The following CNTNAP2 variants were observed in gnomAD, a reference collection of about 807,000 sequenced individuals.
The protein encoded by CNTNAP2 is contactin associated protein 2.
CNTNAP2 carries 98 observed loss-of-function variants against 155.2 expected under a neutral mutation model. The observed-to-expected ratio is 0.63, with a 90% CI of 0.54 to 0.75. The LOEUF is 0.75. Among genes scored for constraint, CNTNAP2 ranks in the 30% least tolerant of loss-of-function variants. The pLI is 0.00. For synonymous variants in CNTNAP2, 651 were observed against 631.2 expected (o/e 1.03, Z -0.47); for missense variants, 1,727 against 1,688.1 (o/e 1.02, Z -0.40).
At chr7:147,990,978 C>A (rs745603058) in intron 15 of CNTNAP2, among the ~76,000 whole-genome samples, 12 of 152,098 alleles carry the variant, frequency 7.9e-5, no homozygotes, top group African/African-American at 1.9e-4. Context: ...CCTGGCACAC[C>A]CAGCCCCCAT....
At chr7:147,729,701 T>G (rs1796708073) in intron 13 of CNTNAP2, among the ~76,000 whole-genome samples, 1 of 152,064 alleles carries the variant, frequency 6.6e-6, no homozygotes, top group South Asian at 2.1e-4. Context: ...GAAGATGGAT[T>G]GTAGAAAATC....
chr7:146,793,621 C>A (rs1445252417), intron 2 of CNTNAP2, among the ~76,000 whole-genome samples: 2 of 152,224 alleles, frequency 1.3e-5, no homozygotes, highest in Admixed American at 1.3e-4. Context: ...GGCAAGAATG[C>A]GATAGCTGTT....
At chr7:147,270,613 G>A (rs1804722111) in intron 8 of CNTNAP2, among the ~76,000 whole-genome samples, 1 of 152,146 alleles carries the variant, frequency 6.6e-6, no homozygotes, top group Admixed American at 6.5e-5. Flanking sequence ...TAGACCTAGG[G>A]TAGTAGAATC....
chr7:146,964,755 G>T (rs921019437), intron 3 of CNTNAP2, among the ~76,000 whole-genome samples: 1 of 152,074 alleles, frequency 6.6e-6, no homozygotes, highest in African/African-American at 2.4e-5. Context: ...AGGCTTTATC[G>T]GTCAGCCAAA....
chr7:146,131,000 T>C (rs1480608252), intron 1 of CNTNAP2, among the ~76,000 whole-genome samples: 1 of 152,190 alleles, frequency 6.6e-6, no homozygotes, highest in African/African-American at 2.4e-5. Context: ...AGGGTTACAA[T>C]TCAAGATGAG....
rs559202551 is a variant in CNTNAP2 at position 146,670,171 on chromosome 7, T to C, written c.98-104100T>C. Among the ~76,000 whole-genome samples, 4 of 152,316 alleles carry C rather than the reference T, an allele frequency of 2.6e-5. No homozygotes were observed. The East Asian group carries it at 7.7e-4, about 29-fold the overall frequency. On this transcript the variant is annotated intron_variant, in intron 1 of 23. Transcript: ENST00000361727. ...TACTACTAGGCCAAGTACATTCTTT[T>C]TGTGTAACTAGAAATTTCAGGTCTT...
intron 3 of CNTNAP2, among the ~76,000 whole-genome samples, chr7:146,952,325 C>G (rs1358217004): frequency 6.6e-6 from 1 of 152,150 alleles, no homozygotes; most frequent in Non-Finnish European, 1.5e-5. Flanking sequence ...CAATATCATA[C>G]TGAATGGGCA....
At position 147,016,951 on chromosome 7, in the gene CNTNAP2, G is replaced by T. The variant is rs186422580; in HGVS notation, c.403-26956G>T. Among the ~76,000 whole-genome samples, 188 of 151,726 alleles carry T rather than the reference G, an allele frequency of 1.2e-3. 2 individuals are homozygous for T. Among genetic ancestry groups the T allele is most frequent in the Middle Eastern group, 6.8e-3 (2 of 292 alleles). On this transcript the variant is annotated intron_variant, in intron 3 of 23. Coordinates refer to ENST00000361727, the MANE Select transcript of CNTNAP2 (RefSeq NM_014141.6). ...ACTCTGAGCACATAAACTACTGAAGGAAGAGAGATTGATGATTTGGGATGC... is the reference window on the plus strand; with the variant it reads ...ACTCTGAGCACATAAACTACTGAAGTAAGAGAGATTGATGATTTGGGATGC...
Position 146,968,431 on chromosome 7 carries a change from A to G in CNTNAP2, c.403-75476A>G, listed in dbSNP as rs1348912835. On this transcript the variant is annotated intron_variant, in intron 3 of 23. Coordinates refer to ENST00000361727, the MANE Select transcript of CNTNAP2 (RefSeq NM_014141.6). ...TCTGGTAGAATTCGGCTGTGAATCC[A>G]TCTGGTCCTGGACTCTTTTTGGTTG... Among the ~76,000 whole-genome samples the G allele has an allele frequency of 2.6e-5, 4 of 151,248 alleles. No homozygotes were observed. In the East Asian group the frequency reaches 7.8e-4, roughly 29 times the overall value.
chr7:148,025,299 C>T (rs986299262), intron 15 of CNTNAP2, among the ~76,000 whole-genome samples: 2 of 152,186 alleles, frequency 1.3e-5, no homozygotes, highest in Admixed American at 1.3e-4. Flanking sequence ...ACCCAAGACT[C>T]ATACCAGGGA....
At chr7:147,014,585 C>A (rs929107908) in intron 3 of CNTNAP2, among the ~76,000 whole-genome samples, 15 of 152,132 alleles carry the variant, frequency 9.9e-5, no homozygotes, top group African/African-American at 3.4e-4. Flanking sequence ...AATATTTTCT[C>A]TTTGGTTTAA....
intron 15 of CNTNAP2, among the ~76,000 whole-genome samples, chr7:148,052,608 A>G (rs905498562): frequency 6.6e-6 from 1 of 152,232 alleles, no homozygotes. Context: ...ATAATTGTAG[A>G]CCACATGCAA....
chr7:147,654,808 C>CTTTTTTTTTTTTTTTTTTTTTTTT (rs1186575442), intron 13 of CNTNAP2, among the ~76,000 whole-genome samples: 1 of 97,344 alleles, frequency 1.0e-5, no homozygotes, highest in African/African-American at 4.4e-5. Flanking sequence ...AAATATATTT[C>CTTTTTTTTTTTTTTTTTTTTTTTT]TTTTTTTTTT....
At chr7:148,113,055 A>G (rs767527466) in intron 15 of CNTNAP2, among the ~76,000 whole-genome samples, 4 of 152,226 alleles carry the variant, frequency 2.6e-5, no homozygotes, top group East Asian at 1.9e-4. Flanking sequence ...AATGCTGTCC[A>G]TCAGAAAATG....
chr7:148,300,781 G>A (rs1467280297), intron 21 of CNTNAP2, among the ~76,000 whole-genome samples: 4 of 152,136 alleles, frequency 2.6e-5, no homozygotes, highest in African/African-American at 9.7e-5. Flanking sequence ...GACAAATACT[G>A]TATGATTCCA....
At chr7:147,946,342 G>T (rs1800819750) in intron 14 of CNTNAP2, among the ~76,000 whole-genome samples, 1 of 152,002 alleles carries the variant, frequency 6.6e-6, no homozygotes. Context: ...AGAAAGCCAA[G>T]TGTATAAGTG....
intron 2 of CNTNAP2, among the ~76,000 whole-genome samples, chr7:146,798,108 C>T (rs760125523): frequency 5.3e-5 from 8 of 151,812 alleles, no homozygotes; most frequent in Non-Finnish European, 1.0e-4. Context: ...AACTGTCTCT[C>T]TAAAAATACA....
chr7:146,234,348 T>G lies in CNTNAP2; in HGVS notation c.97+117375T>G, dbSNP rs996941090. On this transcript the variant is annotated intron_variant, in intron 1 of 23. Coordinates refer to ENST00000361727, the MANE Select transcript of CNTNAP2 (RefSeq NM_014141.6). The stretch of plus-strand genomic sequence containing the variant: ...TGTAAATTTGTTTGAGTTCATTGTA[T>G]ATTCTGGATATTAGCCCTTTGTCAG... 7.8e-4 allele frequency among the ~76,000 whole-genome samples: 119 copies of G among 152,256 alleles called. 1 individual carries two copies. The highest frequency in any genetic ancestry group is 3.4e-3 in the Middle Eastern group (1 of 294).
chr7:146,400,886 T>G (rs541303483), intron 1 of CNTNAP2, among the ~76,000 whole-genome samples: 166 of 152,294 alleles, frequency 1.1e-3, no homozygotes, highest in Non-Finnish European at 2.0e-3. Context: ...AATAAGGAAA[T>G]TCTCCCTTTA....
Sources: allele counts gnomAD v4.1 joint callset (sites outside exome capture counted in the v4.1 genomes callset), GRCh38; gene constraint gnomAD v4.1.1; transcripts MANE v1.5; gene names NCBI Gene and HGNC (gene_info 2026-07-23, HGNC 2026-07-21).